MRPL9: variants seen among roughly 807,000 people sequenced by gnomAD.
MRPL9 encodes the protein large ribosomal subunit protein bL9m.
MRPL9 carries 25 observed loss-of-function variants against 27.6 expected under a neutral mutation model. That is an observed-to-expected ratio of 0.91 (90% CI 0.66 to 1.27). The LOEUF is 1.27. Ranked by LOEUF, MRPL9 falls within the 50% of genes most tolerant of loss-of-function variation. The pLI is 0.00. For synonymous variants in MRPL9, 154 were observed against 139.0 expected (o/e 1.11, Z -0.76); for missense variants, 362 against 338.0 (o/e 1.07, Z -0.56).
chr1:151,762,018 CAGG>C (rs1475424704), intron 4 of MRPL9, 84 bp downstream of exon 4: 4 of 1,338,008 alleles, frequency 3.0e-6, no homozygotes, highest in Non-Finnish European at 4.3e-6. Context: ...GGTCTGCAAT[CAGG>C]AGACCTCAAG....
intron 3 of MRPL9, 74 bp downstream of exon 3, chr1:151,762,302 G>A: frequency 6.2e-7 from 1 of 1,600,842 alleles, no homozygotes; most frequent in South Asian, 1.1e-5. Context: ...TAAGTTAAAT[G>A]TCAAAGGGAA....
chr1:151,761,945 C>A (rs1648104108), intron 4 of MRPL9, 160 bp downstream of exon 4: 4 of 694,710 alleles, frequency 5.8e-6, no homozygotes, highest in African/African-American at 1.8e-5. Flanking sequence ...CAGGGATCTC[C>A]CAAGAGGTCT....
At position 151,762,255 on chromosome 1, in the gene MRPL9, C is replaced by T. The variant is rs991625671; in HGVS notation, c.436-100G>A. On this transcript the variant is annotated intron_variant, in intron 3 of 6. Coordinates refer to ENST00000368830, the MANE Select transcript of MRPL9 (RefSeq NM_031420.4). ...ATGTTGGACATTGGCTGGGCTTCTGCATTCCTGTTCTTCTAGTTCCTATTT... is the reference window on the plus strand; with the variant it reads ...ATGTTGGACATTGGCTGGGCTTCTGTATTCCTGTTCTTCTAGTTCCTATTT... 7.0e-6 allele frequency: 11 copies of T among 1,568,584 alleles called. No homozygotes were observed. In the South Asian group the frequency reaches 1.2e-4, roughly 17 times the overall value.
At chr1:151,762,019 AG>A in intron 4 of MRPL9, 85 bp downstream of exon 4, 1 of 1,342,708 alleles carries the variant, frequency 7.4e-7, no homozygotes, top group Non-Finnish European at 1.1e-6. Flanking sequence ...GTCTGCAATC[AG>A]GAGACCTCAA....
In MRPL9 at chr1:151,760,179, T is replaced by C; in HGVS notation, c.675A>G (p.Val225=). 4 of 1,614,190 alleles carry C rather than the reference T, an allele frequency of 2.5e-6. No individual in the cohort carries two copies. Among genetic ancestry groups the C allele is most frequent in the Non-Finnish European group, 3.4e-6 (4 of 1,180,022 alleles). ...GCACTCTCACAGTATCAAGCCCATT[T>C]ACCTGCACACAAAACAATGGGAATT... The part of the protein sequence containing the change: ...RWGEYWCEVT[V]NGLDTVRVPM... The change falls in exon 7 of 7, where the codon GTA becomes GTG. Residue 225 remains valine (V), a splice_region_variant and synonymous_variant. Transcript: ENST00000368830.
rs1343471723 is a variant in MRPL9, at chr1:151,763,436, C to T, written c.44G>A (p.Arg15Gln). The T allele has an allele frequency of 3.8e-6, 6 of 1,569,356 alleles. No individual in the cohort carries two copies. The highest frequency in any genetic ancestry group is 1.2e-5 in the South Asian group (1 of 85,840). Reference sequence around the variant, plus strand: ...CCGAAGCAGCCGTCCAGCGCCCGCCCGCAGCAGAGCTCTGCCCGGGGCCGT... The same window carrying T: ...CCGAAGCAGCCGTCCAGCGCCCGCCTGCAGCAGAGCTCTGCCCGGGGCCGT... ...VVTAPGRALL[R>Q]AGAGRLLRGG... The change falls in exon 1 of 7, where the codon CGG becomes CAG. Residue 15 changes from arginine to glutamine, a missense_variant. Physicochemically the swap from Arg to Gln is conservative, Grantham distance 43. Transcript: ENST00000368830.
intron 1 of MRPL9, 27 bp from the exon 2 acceptor site, chr1:151,763,173 C>T: frequency 6.2e-7 from 1 of 1,609,558 alleles, no homozygotes; most frequent in South Asian, 1.1e-5. Flanking sequence ...CGACGGTAAG[C>T]TAGTCTCCAC....
At chr1:151,762,939 T>C (rs760453097) in intron 2 of MRPL9, 51 bp downstream of exon 2, 3 of 1,587,772 alleles carry the variant, frequency 1.9e-6, no homozygotes, top group South Asian at 1.1e-5. Context: ...TAGAAAAAGC[T>C]GATGCCAAAC....
Position 151,759,895 on chromosome 1 carries a change from G to T in MRPL9, c.*155C>A. 1.0e-6 allele frequency: 1 copy of T among 979,510 alleles called. No homozygotes were observed. The highest frequency in any genetic ancestry group is 1.4e-6 in the Non-Finnish European group (1 of 702,970). The allele number at this position is 979,510 out of a possible 1,614,324, so 60.7% of individuals were successfully genotyped here. The stretch of plus-strand genomic sequence containing the variant: ...GATGACAGTTAAAGATGGCAAAAAT[G>T]AAGAATTCAACATGTATACGCAGTG... On this transcript the variant is annotated 3_prime_UTR_variant, in exon 7 of 7. Coordinates refer to ENST00000368830, the MANE Select transcript of MRPL9 (RefSeq NM_031420.4).
chr1:151,763,161 A>T lies in MRPL9; in HGVS notation c.154-15T>A, dbSNP rs1164600056. 3 of 1,611,592 alleles carry T rather than the reference A, an allele frequency of 1.9e-6. No homozygotes were observed. The highest frequency in any genetic ancestry group is 1.7e-6 in the Non-Finnish European group (2 of 1,178,486). ...ATGACCGTGCCCTGGCGGCCAGGAA[A>T]GCGACGGTAAGCTAGTCTCCACAAG... On this transcript the variant is annotated splice_polypyrimidine_tract_variant and intron_variant, in intron 1 of 6. Coordinates refer to ENST00000368830, the MANE Select transcript of MRPL9 (RefSeq NM_031420.4).
At position 151,760,109 on chromosome 1, in the gene MRPL9, T is replaced by C; in HGVS notation, c.745A>G (p.Lys249Glu). Residue 249 changes from lysine (K) to glutamate (E), a missense_variant, in exon 7 of 7, where the codon AAG becomes GAG. Lys to Glu is a moderately conservative substitution (Grantham distance 56). Coordinates refer to ENST00000368830, the MANE Select transcript of MRPL9 (RefSeq NM_031420.4). ...GCAGCTTGCTGGGCTAACCAGTACT[T>C]ATATCTTTTGGTCTTGGGCTTCTCA... ...NFEKPKTKRY[K>E]YWLAQQAAKA... The C allele has an allele frequency of 1.9e-6, 3 of 1,614,178 alleles. No homozygotes were observed. The highest frequency in any genetic ancestry group is 2.5e-6 in the Non-Finnish European group (3 of 1,180,018).
Position 151,759,936 on chromosome 1 carries a change from A to AGAT in MRPL9, c.*111_*113dup. 1 of 1,396,560 alleles carries AGAT rather than the reference A, an allele frequency of 7.2e-7. No homozygotes were observed. The highest frequency in any genetic ancestry group is 9.7e-7 in the Non-Finnish European group (1 of 1,032,956). 86.5% of individuals were successfully genotyped at this position (1,396,560 alleles called of 1,614,324 possible). On this transcript the variant is annotated 3_prime_UTR_variant, in exon 7 of 7. Transcript: ENST00000368830. ...ATACGCAGTGCAGTCTGATGTCTTC[A>AGAT]GATGTTCTCTAAAATTCTGTATTTG... is the stretch of plus-strand genomic sequence containing the variant.
intron 4 of MRPL9, chr1:151,761,856 A>C (rs914568993): frequency 4.5e-5 from 27 of 595,964 alleles, no homozygotes; most frequent in Admixed American, 1.5e-4. Context: ...CAGAGCCCTC[A>C]TCTCAGACTA....
Position 151,763,081 on chromosome 1 carries a change from C to T in MRPL9, c.219G>A (p.Leu73=). The part of the protein sequence containing the change: ...PLAGEGRKPR[L]HRRHRVYKLV... Reference sequence around the variant, plus strand: ...GCTTATAGACGCGATGTCGCCGGTGCAGGCGCGGCTTCCGGCCCTCCCCGG... The same window carrying T: ...GCTTATAGACGCGATGTCGCCGGTGTAGGCGCGGCTTCCGGCCCTCCCCGG... Residue 73 remains leucine, a synonymous_variant, in exon 2 of 7, where the codon CTG becomes CTA. Coordinates refer to ENST00000368830, the MANE Select transcript of MRPL9 (RefSeq NM_031420.4). The T allele has an allele frequency of 1.2e-6, 2 of 1,614,078 alleles. No homozygotes were observed. Among genetic ancestry groups the T allele is most frequent in the East Asian group, 2.2e-5 (1 of 44,858 alleles).
At position 151,760,911 on chromosome 1, in the gene MRPL9, A is replaced by AAAG. The variant is rs1553276925; in HGVS notation, c.589-13_589-12insCTT. ...ACCACAACACCAAGCTGCAAAAAAA[A>AAAG]AAAAAAAAAAAAAAATCTCAGCTCA... On this transcript the variant is annotated splice_polypyrimidine_tract_variant and intron_variant, in intron 5 of 6. Transcript: ENST00000368830. The AAAG allele has an allele frequency of 1.3e-6, 2 of 1,546,152 alleles. No homozygotes were observed. Among genetic ancestry groups the AAAG allele is most frequent in the Admixed American group, 4.3e-5 (2 of 46,028 alleles).
rs951879925 is a variant in MRPL9, at chr1:151,763,086, G to C, written c.214C>G (p.Arg72Gly). ...VPLAGEGRKP[R>G]LHRRHRVYKL... ...TAGACGCGATGTCGCCGGTGCAGGC[G>C]CGGCTTCCGGCCCTCCCCGGCCAGC... The change falls in exon 2 of 7, where the codon CGC (arginine) becomes GGC (glycine). Residue 72 changes from arginine to glycine, a missense_variant. Coordinates refer to ENST00000368830, the MANE Select transcript of MRPL9 (RefSeq NM_031420.4). 2 of 1,613,898 alleles carry C rather than the reference G, an allele frequency of 1.2e-6. No individual in the cohort carries two copies. Among genetic ancestry groups the C allele is most frequent in the South Asian group, 2.2e-5 (2 of 91,072 alleles).
chr1:151,761,991 C>T (rs947993514), intron 4 of MRPL9, 114 bp downstream of exon 4: 1 of 1,051,072 alleles, frequency 9.5e-7, no homozygotes, highest in South Asian at 1.3e-5. Flanking sequence ...CAACACTTCC[C>T]CTTTCTCCCA....
Position 151,761,552 on chromosome 1 carries a change from T to G in MRPL9, c.487A>C (p.Thr163Pro). 1 of 1,606,414 alleles carries G rather than the reference T, an allele frequency of 6.2e-7. No homozygotes were observed. The highest frequency in any genetic ancestry group is 1.1e-5 in the South Asian group (1 of 90,910). ...CGACAGCTTTTTAGAAATTTCACTG[T>G]CTGAAAGGAATTATGAGTTTGAGTC... ...EKIQTKAGEA[T>P]VKFLKSCRLE... Residue 163 changes from threonine (T) to proline (P), a missense_variant and splice_region_variant, in exon 5 of 7, where the codon ACA (threonine) becomes CCA (proline). Coordinates refer to ENST00000368830, the MANE Select transcript of MRPL9 (RefSeq NM_031420.4).
rs752394385 is a variant in MRPL9 at position 151,760,802 on chromosome 1, T to G, written c.672+14A>C. The stretch of plus-strand genomic sequence containing the variant: ...GAGAAAGAAAAGAAAAAAGAAAGTA[T>G]GCAAAACACTCACCGTCACCTCACA... On this transcript the variant is annotated intron_variant, in intron 6 of 6. Coordinates refer to ENST00000368830, the MANE Select transcript of MRPL9 (RefSeq NM_031420.4). 6.4e-7 allele frequency: 1 copy of G among 1,550,414 alleles called. No individual in the cohort carries two copies.
Sources: allele counts gnomAD v4.1 joint callset, GRCh38; gene constraint gnomAD v4.1.1; transcripts MANE v1.5; gene names NCBI Gene and HGNC (gene_info 2026-07-23, HGNC 2026-07-21).